Variants in DLGAP1 observed in about 807,000 individuals in gnomAD.
The protein encoded by DLGAP1 is DLG associated protein 1.
DLGAP1 carries 11 observed loss-of-function variants against 90.8 expected under a neutral mutation model. That is an observed-to-expected ratio of 0.12 (90% CI 0.08 to 0.20). The LOEUF is 0.20. DLGAP1 is among the 10% of genes least tolerant of loss of function. The pLI is 1.00. For synonymous variants in DLGAP1, 558 were observed against 540.7 expected, an observed-to-expected ratio of 1.03 and a Z score of -0.44; for missense variants, 1,050 against 1,333.8, an observed-to-expected ratio of 0.79 and a Z score of 3.31.
chr18:4,237,390 C>T (rs370709196), intron 1 of DLGAP1, among the ~76,000 whole-genome samples: 1 of 152,050 alleles, frequency 6.6e-6, no homozygotes, highest in African/African-American at 2.4e-5. Context: ...TAACGGAGAC[C>T]CTGAAGCCTC....
chr18:4,004,507 T>C (rs578142973), intron 3 of DLGAP1, among the ~76,000 whole-genome samples: 5 of 152,038 alleles, frequency 3.3e-5, no homozygotes, highest in Non-Finnish European at 5.9e-5. Context: ...TTTTTAGCCC[T>C]GAAATACACA....
At chr18:3,902,832 G>C (rs986376179) in intron 3 of DLGAP1, among the ~76,000 whole-genome samples, 1 of 151,854 alleles carries the variant, frequency 6.6e-6, no homozygotes, top group African/African-American at 2.4e-5. Flanking sequence ...TTCTAGACTG[G>C]ACACTAGGGA....
intron 2 of DLGAP1, among the ~76,000 whole-genome samples, chr18:4,090,639 A>G (rs1401628440): frequency 6.6e-6 from 1 of 152,180 alleles, no homozygotes; most frequent in African/African-American, 2.4e-5. Flanking sequence ...CTTTTACACC[A>G]CTGGTGGGAA....
chr18:3,701,450 A>T (rs2061276379), intron 7 of DLGAP1, among the ~76,000 whole-genome samples: 1 of 152,228 alleles, frequency 6.6e-6, no homozygotes, highest in African/African-American at 2.4e-5. Context: ...ATATGTGATT[A>T]GGAGAATGAC....
chr18:3,708,991 C>T (rs945301869), intron 7 of DLGAP1, among the ~76,000 whole-genome samples: 7 of 152,150 alleles, frequency 4.6e-5, no homozygotes, highest in Non-Finnish European at 8.8e-5. Context: ...TCCAAAAAGA[C>T]TGGGACAGAA....
chr18:3,742,361 T>C lies in DLGAP1; in HGVS notation c.1324A>G (p.Met442Val), dbSNP rs778454780. The change falls in exon 6 of 13, where the codon ATG becomes GTG. Residue 442 changes from methionine (M) to valine (V), a missense_variant. By Grantham distance (21) the Met-to-Val change is conservative. This residue lies in a region of DLGAP1 where 565 missense variants were observed against 879.7 expected (regional missense o/e 0.64). Transcript: ENST00000315677. ...PKFRSRNESY[M>V]RAMSTISQVS... is the part of the protein sequence containing the mutation. ...TGGCTGATGGTGCTCATGGCTCGCA[T>C]GTAGCTCTCATTCCTGGAGCGGAAC... 1.2e-6 allele frequency: 2 copies of C among 1,614,070 alleles called. No homozygotes were observed. The highest frequency in any genetic ancestry group is 1.7e-6 in the Non-Finnish European group (2 of 1,179,980).
At chr18:3,555,862 T>C (rs1309030511) in intron 9 of DLGAP1, among the ~76,000 whole-genome samples, 1 of 152,042 alleles carries the variant, frequency 6.6e-6, no homozygotes, top group East Asian at 1.9e-4. Flanking sequence ...AAAGATAGAC[T>C]GGCTGATTGC....
At chr18:4,244,639 G>T (rs1407841513) in intron 1 of DLGAP1, among the ~76,000 whole-genome samples, 1 of 152,078 alleles carries the variant, frequency 6.6e-6, no homozygotes, top group African/African-American at 2.4e-5. Flanking sequence ...TTCCCCTCCC[G>T]AGCCCAAATA....
rs11453774 is a variant in DLGAP1, at chr18:3,943,451, GT to G, written c.-73+61664del. On this transcript the variant is annotated intron_variant, in intron 3 of 12. Coordinates refer to ENST00000315677, the MANE Select transcript of DLGAP1 (RefSeq NM_004746.4). ...AGGATTATCTACTGTGAAAGAGAGGGTTTTTTTTTTTTTTTTTTCTGGCATG... is the reference window on the plus strand; with the variant it reads ...AGGATTATCTACTGTGAAAGAGAGGGTTTTTTTTTTTTTTTTTCTGGCATG... 7.8e-4 allele frequency among the ~76,000 whole-genome samples: 103 copies of G among 131,216 alleles called. 1 individual carries two copies. The highest frequency in any genetic ancestry group is 2.2e-3 in the African/African-American group (77 of 35,286). The allele number at this position is 131,216 out of a possible 152,430, so 86.1% of individuals were successfully genotyped here. A position where few individuals can be genotyped will look rare whatever the true frequency, so the allele number is the denominator to read the frequency against.
At chr18:4,440,470 T>G (rs2083508253) in intron 1 of DLGAP1, among the ~76,000 whole-genome samples, 1 of 152,216 alleles carries the variant, frequency 6.6e-6, no homozygotes, top group Non-Finnish European at 1.5e-5. Context: ...CTTTGACTAA[T>G]TAATGCTTTA....
intron 2 of DLGAP1, among the ~76,000 whole-genome samples, chr18:4,090,600 G>T (rs573437322): frequency 6.6e-6 from 1 of 152,156 alleles, no homozygotes; most frequent in Admixed American, 6.5e-5. Flanking sequence ...AACAATAGAC[G>T]CTGGCAAAGC....
At chr18:3,870,538 C>T (rs1206904951) in intron 4 of DLGAP1, among the ~76,000 whole-genome samples, 2 of 152,100 alleles carry the variant, frequency 1.3e-5, no homozygotes, top group Non-Finnish European at 2.9e-5. Context: ...TATATTTGGT[C>T]CCATGGTCCC....
intron 2 of DLGAP1, among the ~76,000 whole-genome samples, chr18:4,041,017 C>T (rs575242747): frequency 7.9e-5 from 12 of 152,296 alleles, no homozygotes; most frequent in African/African-American, 2.4e-4. Flanking sequence ...CTCATTTCCA[C>T]GCCCTTGGTA....
At chr18:3,700,282 G>A (rs1051661835) in intron 7 of DLGAP1, among the ~76,000 whole-genome samples, 2 of 152,154 alleles carry the variant, frequency 1.3e-5, no homozygotes, top group Admixed American at 6.5e-5. Context: ...CCTGGTTTGC[G>A]GGCTGTGAAG....
chr18:3,580,377 G>C, intron 8 of DLGAP1: 2 of 1,613,934 alleles, frequency 1.2e-6, no homozygotes, highest in Non-Finnish European at 1.7e-6. Context: ...GAATTTCAGA[G>C]CCACATACCT....
intron 3 of DLGAP1, among the ~76,000 whole-genome samples, chr18:3,931,840 C>A (rs1330778626): frequency 6.6e-6 from 1 of 152,054 alleles, no homozygotes; most frequent in African/African-American, 2.4e-5. Context: ...AATATAGCAC[C>A]CAGTAAGGAA....
intron 4 of DLGAP1, among the ~76,000 whole-genome samples, chr18:3,862,917 C>G (rs1369191278): frequency 6.6e-6 from 1 of 152,264 alleles, no homozygotes; most frequent in Non-Finnish European, 1.5e-5. Context: ...TTTGGGCACA[C>G]AGAAAACTAC....
At chr18:4,101,171 C>T (rs1000391954) in intron 2 of DLGAP1, among the ~76,000 whole-genome samples, 3 of 152,284 alleles carry the variant, frequency 2.0e-5, no homozygotes, top group Middle Eastern at 3.4e-3. Flanking sequence ...TTAATCATTT[C>T]TAGCTTTTGG....
intron 2 of DLGAP1, among the ~76,000 whole-genome samples, chr18:4,064,712 T>C (rs904185848): frequency 4.0e-5 from 6 of 151,026 alleles, no homozygotes; most frequent in Admixed American, 2.0e-4. Flanking sequence ...AGCCTACCAA[T>C]AAAAAAAAGC....
Sources: gnomAD v4.1 joint callset for allele counts (sites outside exome capture counted in the v4.1 genomes callset) on GRCh38, gnomAD v4.1.1 for gene constraint, gnomAD v4.1.1 regional missense constraint, MANE v1.5 for transcripts, NCBI Gene and HGNC (gene_info 2026-07-23, HGNC 2026-07-21) for gene names.